Variants in UNC5C observed in about 807,000 individuals in gnomAD.
UNC5C encodes the protein unc-5 netrin receptor C.
Under a neutral mutation model 99.8 loss-of-function variants are expected in UNC5C, and 47 were observed. That is an observed-to-expected ratio of 0.47 (90% CI 0.37 to 0.60). The LOEUF (loss-of-function observed/expected upper bound fraction) is 0.60, where lower values mean the gene tolerates loss of function less well. Ranked by LOEUF, UNC5C falls within the 20% of genes least tolerant of loss-of-function variation. The pLI, the probability that UNC5C is intolerant of heterozygous loss-of-function variation, is 0.00. For missense variants in UNC5C, 1,062 were observed against 1,165.9 expected (o/e 0.91, Z 1.30); for synonymous variants, 487 against 452.2 (o/e 1.08, Z -0.98).
At chr4:95,457,625 A>G (rs1203374957) in intron 1 of UNC5C, among the ~76,000 whole-genome samples, 2 of 152,120 alleles carry the variant, frequency 1.3e-5, no homozygotes, top group East Asian at 3.9e-4. Context: ...ACCAGGGTCA[A>G]ACTGAAGTTT....
intron 1 of UNC5C, among the ~76,000 whole-genome samples, chr4:95,507,803 G>A (rs74430788): frequency 0.078 from 11,842 of 152,004 alleles, 645 homozygotes; most frequent in Non-Finnish European, 0.12. Flanking sequence ...TCTTCTGTAT[G>A]AGTTCCTCAG....
In UNC5C at chr4:95,425,746, GTAGT is replaced by G. The variant is rs377289105; in HGVS notation, c.125-90119_125-90116del. Among the ~76,000 whole-genome samples, 28 of 152,198 alleles carry G rather than the reference GTAGT, an allele frequency of 1.8e-4. No individual in the cohort carries two copies. The South Asian group carries it at 4.1e-3, about 23-fold the overall frequency. ...GAAATTGATTAAAAATGATTTCTTA[GTAGT>G]TATTTAAATACATATATTTCAACTT... is the stretch of plus-strand genomic sequence containing the variant. On this transcript the variant is annotated intron_variant, in intron 1 of 15. Transcript: ENST00000453304.
At chr4:95,459,996 A>C (rs1329022744) in intron 1 of UNC5C, among the ~76,000 whole-genome samples, 1 of 152,182 alleles carries the variant, frequency 6.6e-6, no homozygotes, top group Non-Finnish European at 1.5e-5. Context: ...TAATAGCGAG[A>C]ATCAAAATAT....
chr4:95,171,042 C>G (rs895918877), intron 14 of UNC5C, among the ~76,000 whole-genome samples: 2 of 152,146 alleles, frequency 1.3e-5, no homozygotes, highest in African/African-American at 4.8e-5. Flanking sequence ...TTAAGATAGT[C>G]TCAGCTCATA....
At chr4:95,303,355 G>C (rs1741942874) in intron 2 of UNC5C, among the ~76,000 whole-genome samples, 1 of 152,214 alleles carries the variant, frequency 6.6e-6, no homozygotes, top group Non-Finnish European at 1.5e-5. Flanking sequence ...CTGAGTTTCA[G>C]AACTACTCAC....
chr4:95,369,585 T>C (rs1041674411), intron 1 of UNC5C, among the ~76,000 whole-genome samples: 2 of 152,024 alleles, frequency 1.3e-5, no homozygotes, highest in Admixed American at 1.3e-4. Context: ...TATCCAAATA[T>C]TCCAAGTGTA....
At chr4:95,387,520 TCACTTTCTGCC>T (rs1188246200) in intron 1 of UNC5C, among the ~76,000 whole-genome samples, 1 of 152,186 alleles carries the variant, frequency 6.6e-6, no homozygotes, top group Non-Finnish European at 1.5e-5. Context: ...TAATTTTGAG[TCACTTTCTGCC>T]CTAGCTTCAC....
At chr4:95,325,183 G>T (rs1284565379) in intron 2 of UNC5C, among the ~76,000 whole-genome samples, 1 of 152,140 alleles carries the variant, frequency 6.6e-6, no homozygotes, top group Non-Finnish European at 1.5e-5. Context: ...GAAGACTGAA[G>T]ATAAGATCAA....
chr4:95,170,353 C>T (rs745960351), intron 14 of UNC5C, 21 bp from the exon 15 acceptor site: 45 of 1,611,004 alleles, frequency 2.8e-5, no homozygotes, highest in Non-Finnish European at 3.7e-5. Context: ...GGGACAGGAA[C>T]AACACAGCAT....
chr4:95,275,622 T>G (rs1309156226), intron 4 of UNC5C, among the ~76,000 whole-genome samples: 1 of 152,182 alleles, frequency 6.6e-6, no homozygotes, highest in East Asian at 1.9e-4. Context: ...AAAATATTAT[T>G]ACCTTAGAAA....
At chr4:95,278,864 G>A (rs1183453682) in intron 3 of UNC5C, among the ~76,000 whole-genome samples, 1 of 152,112 alleles carries the variant, frequency 6.6e-6, no homozygotes, top group South Asian at 2.1e-4. Flanking sequence ...GAAATTCAGA[G>A]GTTATGAACT....
chr4:95,278,094 A>G lies in UNC5C; in HGVS notation c.594+165T>C, dbSNP rs372280278. 1.5e-4 allele frequency among the ~76,000 whole-genome samples: 23 copies of G among 152,356 alleles called. No individual in the cohort carries two copies. The South Asian group carries it at 4.3e-3, about 29-fold the overall frequency. On this transcript the variant is annotated intron_variant, in intron 4 of 15. Coordinates refer to ENST00000453304, the MANE Select transcript of UNC5C (RefSeq NM_003728.4). The stretch of plus-strand genomic sequence containing the variant: ...ATTCTAATTGACTCCCAAGTCATTA[A>G]TCAGTTCCCAATCAATCTATTTTGC...
At chr4:95,269,140 G>A (rs962002925) in intron 4 of UNC5C, among the ~76,000 whole-genome samples, 1 of 152,146 alleles carries the variant, frequency 6.6e-6, no homozygotes, top group Non-Finnish European at 1.5e-5. Context: ...CACATGGAGA[G>A]CTTTAAAAAA....
chr4:95,366,295 T>A (rs1744568173), intron 1 of UNC5C, among the ~76,000 whole-genome samples: 1 of 152,144 alleles, frequency 6.6e-6, no homozygotes, highest in South Asian at 2.1e-4. Flanking sequence ...GAGACCTCCA[T>A]CTCAAAAATA....
intron 1 of UNC5C, among the ~76,000 whole-genome samples, chr4:95,494,922 A>G (rs1185595705): frequency 1.3e-5 from 2 of 151,388 alleles, no homozygotes; most frequent in Non-Finnish European, 3.0e-5. Context: ...AACATTTAAT[A>G]TTTTATATGA....
chr4:95,257,053 G>T (rs1332567283), intron 4 of UNC5C, among the ~76,000 whole-genome samples: 4 of 152,036 alleles, frequency 2.6e-5, no homozygotes, highest in Non-Finnish European at 4.4e-5. Context: ...ATTTCCTTTG[G>T]CAACACCCTC....
intron 1 of UNC5C, among the ~76,000 whole-genome samples, chr4:95,454,226 G>A (rs899404338): frequency 2.0e-5 from 3 of 151,958 alleles, no homozygotes; most frequent in African/African-American, 7.2e-5. Flanking sequence ...GTTTGAAATA[G>A]GCATTCTGAC....
chr4:95,545,926 A>G (rs1024509536), intron 1 of UNC5C, among the ~76,000 whole-genome samples: 3 of 152,228 alleles, frequency 2.0e-5, no homozygotes, highest in African/African-American at 7.2e-5. Context: ...TGTTGCCTAC[A>G]GCCTAGAGAA....
At chr4:95,341,241 C>T (rs1032236358) in intron 1 of UNC5C, among the ~76,000 whole-genome samples, 1 of 151,996 alleles carries the variant, frequency 6.6e-6, no homozygotes, top group African/African-American at 2.4e-5. Flanking sequence ...TATATTACAA[C>T]AAAAGGCAGC....
Sources: gnomAD v4.1 joint callset for allele counts (sites outside exome capture counted in the v4.1 genomes callset) on GRCh38, gnomAD v4.1.1 for gene constraint, MANE v1.5 for transcripts, NCBI Gene and HGNC (gene_info 2026-07-23, HGNC 2026-07-21) for gene names.